GLRA2: variants seen among roughly 807,000 people sequenced by gnomAD.
GLRA2 encodes glycine receptor subunit alpha-2.
In GLRA2, 11 loss-of-function variants were observed where a neutral mutation model predicts 31.6. The observed-to-expected ratio is 0.35, with a 90% CI of 0.22 to 0.58. GLRA2 has a LOEUF of 0.58. Ranked by LOEUF, GLRA2 falls within the 20% of genes least tolerant of loss-of-function variation. The pLI, the probability that GLRA2 is intolerant of heterozygous loss-of-function variation, is 0.84. For missense variants in GLRA2, 212 were observed against 351.8 expected (o/e 0.60, Z 3.18); for synonymous variants, 132 against 134.0 (o/e 0.99, Z 0.10).
chrX:14,611,972 A>G (rs1470165304), intron 7 of GLRA2, among the ~76,000 whole-genome samples: 1 of 112,049 alleles, frequency 8.9e-6, no homozygotes, highest in East Asian at 2.8e-4. Context: ...CCATGGGTGA[A>G]AGTTACACAG....
Position 14,704,274 on chromosome X carries a change from T to G in GLRA2, c.1080+13415T>G, listed in dbSNP as rs1329577579. The stretch of plus-strand genomic sequence containing the variant: ...CTGAAATCAAGCCTGTGCCTTCAGC[T>G]CTACTAGTGTTTCATAAAGGCTATG... On this transcript the variant is annotated intron_variant, in intron 8 of 8. Transcript: ENST00000218075. Among the ~76,000 whole-genome samples, 3 of 112,586 alleles carry G rather than the reference T, an allele frequency of 2.7e-5. No individual in the cohort carries two copies. The East Asian group carries it at 8.3e-4, about 31-fold the overall frequency.
At chrX:14,587,950 C>T (rs973040494) in intron 4 of GLRA2, among the ~76,000 whole-genome samples, 1 of 108,904 alleles carries the variant, frequency 9.2e-6, no homozygotes, top group Non-Finnish European at 1.9e-5. Flanking sequence ...CTCTGTCACC[C>T]AGGCTGGAGT....
intron 7 of GLRA2, among the ~76,000 whole-genome samples, chrX:14,644,323 A>G (rs1382082650): frequency 8.9e-6 from 1 of 112,090 alleles, no homozygotes; most frequent in East Asian, 2.8e-4. Context: ...GAGTTTAGAT[A>G]GACTAGTGGG....
intron 2 of GLRA2, among the ~76,000 whole-genome samples, chrX:14,560,897 C>T (rs903909668): frequency 2.8e-5 from 3 of 107,694 alleles, no homozygotes; most frequent in Non-Finnish European, 5.7e-5. Flanking sequence ...CATACACACA[C>T]ATAACATTAA....
At chrX:14,714,568 A>G (rs183329383) in intron 8 of GLRA2, among the ~76,000 whole-genome samples, 239 of 111,846 alleles carry the variant, frequency 2.1e-3, no homozygotes, top group African/African-American at 7.7e-3. Flanking sequence ...ATCAGTTCCA[A>G]GATTTCTGCT....
intron 8 of GLRA2, among the ~76,000 whole-genome samples, chrX:14,723,738 TTTAATG>T (rs2091893639): frequency 8.9e-6 from 1 of 111,839 alleles, no homozygotes; most frequent in Admixed American, 9.5e-5. Flanking sequence ...CCTTCACCTC[TTTAATG>T]CCTCTCATTT....
chrX:14,698,268 CCT>C (rs1204641532), intron 8 of GLRA2, among the ~76,000 whole-genome samples: 1 of 111,465 alleles, frequency 9.0e-6, no homozygotes, highest in Non-Finnish European at 1.9e-5. Flanking sequence ...AGATTTTGCC[CCT>C]GAGGCCTCAC....
the GLRA2 span, among the ~76,000 whole-genome samples, chrX:14,458,293 C>A: frequency 1.8e-5 from 2 of 111,644 alleles, no homozygotes; most frequent in East Asian, 5.6e-4. Context: ...TGGGTTGGTT[C>A]CAAGTCTTTG....
At chrX:14,524,742 TTGTGTG>T (rs113079569), upstream of GLRA2, among the ~76,000 whole-genome samples, 2 of 105,208 alleles carry the variant, frequency 1.9e-5, no homozygotes, top group Admixed American at 1.0e-4. Flanking sequence ...TTCAACATAT[TTGTGTG>T]TGTGTGTGTG....
chrX:14,506,423 T>C, the GLRA2 span, among the ~76,000 whole-genome samples: 2 of 111,256 alleles, frequency 1.8e-5, no homozygotes, highest in Non-Finnish European at 3.8e-5. Context: ...CCACCCTGCA[T>C]TTGGACTCCC....
intron 4 of GLRA2, among the ~76,000 whole-genome samples, chrX:14,583,951 T>C (rs1194642971): frequency 9.0e-6 from 1 of 111,295 alleles, no homozygotes; most frequent in Non-Finnish European, 1.9e-5. Flanking sequence ...CAACTGAACA[T>C]GCAGTACAAA....
rs2091987707 is a variant in GLRA2, at chrX:14,730,951, A to ACAC, written c.*466_*467insCAC. On this transcript the variant is annotated 3_prime_UTR_variant, in exon 9 of 9. Coordinates refer to ENST00000218075, the MANE Select transcript of GLRA2 (RefSeq NM_002063.4). ...ACACACACACACACACACACACACA[A>ACAC]ACTTCAAAAATGCTTAACCATCTGA... is the stretch of plus-strand genomic sequence containing the variant. The ACAC allele has an allele frequency of 1.0e-5, 1 of 97,716 alleles. No homozygotes were observed. The highest frequency in any genetic ancestry group is 4.3e-5 in the African/African-American group (1 of 22,998). 8.1% of individuals were successfully genotyped at this position (97,716 alleles called of 1,213,427 possible).
chrX:14,542,986 C>G (rs1336032307), intron 2 of GLRA2, among the ~76,000 whole-genome samples: 1 of 110,049 alleles, frequency 9.1e-6, no homozygotes, highest in African/African-American at 3.3e-5. Flanking sequence ...TCATTACTCC[C>G]TACAGGTTAA....
chrX:14,510,144 G>A, the GLRA2 span, among the ~76,000 whole-genome samples: 60 of 111,347 alleles, frequency 5.4e-4, 1 homozygote, highest in South Asian at 0.023. Context: ...AACTAGGGAT[G>A]GTAAAACACC....
At position 14,664,510 on chromosome X, in the gene GLRA2, G is replaced by C. The variant is rs766291174; in HGVS notation, c.931-26200G>C. ...TTTTCCGTGTTGCTTATGTTACTTAGATCTTCCATTTGATCTCCCTTCAGC... is the reference window on the plus strand; with the variant it reads ...TTTTCCGTGTTGCTTATGTTACTTACATCTTCCATTTGATCTCCCTTCAGC... On this transcript the variant is annotated intron_variant, in intron 7 of 8. Coordinates refer to ENST00000218075, the MANE Select transcript of GLRA2 (RefSeq NM_002063.4). Among the ~76,000 whole-genome samples the C allele has an allele frequency of 4.5e-5, 5 of 111,697 alleles. No homozygotes were observed. The South Asian group carries it at 1.5e-3, about 33-fold the overall frequency.
chrX:14,712,797 A>C (rs1372843728), intron 8 of GLRA2, among the ~76,000 whole-genome samples: 1 of 111,494 alleles, frequency 9.0e-6, no homozygotes, highest in Non-Finnish European at 1.9e-5. Flanking sequence ...TCTAGGCACC[A>C]AAGTAAGATC....
In GLRA2 at chrX:14,607,193, G is replaced by A. The variant is rs1398785599; in HGVS notation, c.640G>A (p.Glu214Lys). 5.9e-6 allele frequency: 7 copies of A among 1,188,599 alleles called. No individual in the cohort carries two copies. In the South Asian group the frequency reaches 1.2e-4, roughly 21 times the overall value. ...AAGTGATGGTCCAGTGCAAGTTGCT[G>A]AAGGATTGACCCTGCCCCAGTTTAT... Reference protein sequence around the residue: ...WLSDGPVQVAEGLTLPQFILK... With the variant: ...WLSDGPVQVAKGLTLPQFILK... The change falls in exon 6 of 9, where the codon GAA becomes AAA. Residue 214 changes from glutamate (E) to lysine (K), a missense_variant. Coordinates refer to ENST00000218075, the MANE Select transcript of GLRA2 (RefSeq NM_002063.4).
At chrX:14,644,034 T>C (rs2090802930) in intron 7 of GLRA2, among the ~76,000 whole-genome samples, 1 of 111,291 alleles carries the variant, frequency 9.0e-6, no homozygotes, top group Admixed American at 9.6e-5. Context: ...AAGAATACAC[T>C]TCTCTGTCCC....
At chrX:14,497,258 C>T in the GLRA2 span, among the ~76,000 whole-genome samples, 1 of 111,729 alleles carries the variant, frequency 9.0e-6, no homozygotes. Flanking sequence ...GAAGAGAAAT[C>T]GTCTGATAAC....
Sources: gnomAD v4.1 joint callset for allele counts (sites outside exome capture counted in the v4.1 genomes callset) on GRCh38, gnomAD v4.1.1 for gene constraint, MANE v1.5 for transcripts, NCBI Gene and HGNC (gene_info 2026-07-23, HGNC 2026-07-21) for gene names.